BIN3: variants seen among roughly 807,000 people sequenced by gnomAD.
BIN3 encodes bridging integrator 3.
Under a neutral mutation model 38.2 loss-of-function variants are expected in BIN3, and 41 were observed. The observed-to-expected ratio is 1.07, with a 90% CI of 0.84 to 1.39. BIN3 has a LOEUF of 1.39. Ranked by LOEUF, BIN3 falls within the 40% of genes most tolerant of loss-of-function variation. The pLI is 0.00. For missense variants in BIN3, 361 were observed against 324.3 expected, an observed-to-expected ratio of 1.11 and a Z score of -0.87; for synonymous variants, 145 against 122.6, an observed-to-expected ratio of 1.18 and a Z score of -1.21.
chr8:22,653,933 G>A (rs2117581468), intron 1 of BIN3, among the ~76,000 whole-genome samples: 1 of 150,818 alleles, frequency 6.6e-6, no homozygotes, highest in Non-Finnish European at 1.5e-5. Context: ...CTAGGGTGGG[G>A]TGGGGTGGGG....
chr8:22,629,829 C>T (rs901461215), intron 6 of BIN3, 135 bp downstream of exon 6: 15 of 856,260 alleles, frequency 1.8e-5, no homozygotes, highest in Non-Finnish European at 2.8e-5. Context: ...ACAGAGCTGA[C>T]GTCCCCACTG....
At chr8:22,635,476 T>TC in intron 4 of BIN3, among the ~76,000 whole-genome samples, 1 of 152,164 alleles carries the variant, frequency 6.6e-6, no homozygotes, top group African/African-American at 2.4e-5. Context: ...AGACACGGCT[T>TC]CCCCACTGGA....
chr8:22,621,561 T>C lies in BIN3; in HGVS notation c.623A>G (p.Tyr208Cys), dbSNP rs1313958738. The C allele has an allele frequency of 4.3e-6, 7 of 1,613,560 alleles. No individual in the cohort carries two copies. Among genetic ancestry groups the C allele is most frequent in the Middle Eastern group, 1.6e-4 (1 of 6,078 alleles). Residue 208 changes from tyrosine to cysteine, a missense_variant, in exon 9 of 9, where the codon TAC becomes TGC. Tyr to Cys is a radical substitution (Grantham distance 194). Transcript: ENST00000276416. ...FESLIRAQVV[Y>C]YSEMHKIFGD... ...AAAGATCTTGTGCATTTCCGAGTAG[T>C]ACACAACCTGGGGGAGGCGACAGGG...
intron 1 of BIN3, among the ~76,000 whole-genome samples, chr8:22,652,320 C>T (rs1207424572): frequency 6.6e-6 from 1 of 152,214 alleles, no homozygotes; most frequent in Non-Finnish European, 1.5e-5. Flanking sequence ...CCATGTTTAT[C>T]TACTGGGTAG....
chr8:22,663,259 G>A (rs1378401544), intron 1 of BIN3, among the ~76,000 whole-genome samples: 2 of 151,844 alleles, frequency 1.3e-5, no homozygotes, highest in Non-Finnish European at 2.9e-5. Context: ...ATTTCTAACT[G>A]TGAGTTGTGT....
intron 6 of BIN3, among the ~76,000 whole-genome samples, chr8:22,627,075 C>T (rs1035052905): frequency 2.0e-5 from 3 of 152,216 alleles, no homozygotes; most frequent in African/African-American, 4.8e-5. Context: ...GTGGGAAGAG[C>T]ATGTCTTCAC....
intron 1 of BIN3, among the ~76,000 whole-genome samples, chr8:22,659,980 C>A (rs1803180914): frequency 6.6e-6 from 1 of 152,094 alleles, no homozygotes; most frequent in Non-Finnish European, 1.5e-5. Context: ...TATACTCACC[C>A]CCCAAGAATG....
chr8:22,622,821 C>T (rs1299509118), intron 8 of BIN3: 2 of 152,290 alleles, frequency 1.3e-5, no homozygotes, highest in East Asian at 3.9e-4. Context: ...GAGCAAGTGT[C>T]AGGAGAAGTC....
rs1346065639 is a variant in BIN3 at position 22,669,062 on chromosome 8, C to T, written c.-11G>A. ...CACTCACCAGCTCATGGTCCCGAAC[C>T]TGCGTCTGCCGCCGGGGTCCTCAGC... On this transcript the variant is annotated 5_prime_UTR_variant, in exon 1 of 9. Coordinates refer to ENST00000276416, the MANE Select transcript of BIN3 (RefSeq NM_018688.6). 3 of 1,591,664 alleles carry T rather than the reference C, an allele frequency of 1.9e-6. No individual in the cohort carries two copies. Among genetic ancestry groups the T allele is most frequent in the African/African-American group, 2.7e-5 (2 of 74,446 alleles).
intron 1 of BIN3, among the ~76,000 whole-genome samples, chr8:22,647,893 G>A (rs1040840927): frequency 6.6e-5 from 10 of 152,096 alleles, no homozygotes; most frequent in African/African-American, 1.9e-4. Flanking sequence ...TTGGGAGGCC[G>A]AGGCGGGTGA....
intron 3 of BIN3, 129 bp downstream of exon 3, chr8:22,636,793 T>C (rs1802380795): frequency 6.2e-6 from 7 of 1,131,014 alleles, no homozygotes; most frequent in Non-Finnish European, 7.8e-6. Context: ...TCCAGCAGCC[T>C]GGTGACCTGA....
Position 22,630,303 on chromosome 8 carries a change from C to T in BIN3, c.297+139G>A, listed in dbSNP as rs902654774. The T allele has an allele frequency of 3.9e-6, 5 of 1,268,430 alleles. No individual in the cohort carries two copies. In the East Asian group the frequency reaches 1.2e-4, roughly 29 times the overall value. The allele number at this position is 1,268,430 out of a possible 1,614,324, so 78.6% of individuals were successfully genotyped here. A position where few individuals can be genotyped will look rare whatever the true frequency, so the allele number is the denominator to read the frequency against. On this transcript the variant is annotated intron_variant, in intron 5 of 8. Coordinates refer to ENST00000276416, the MANE Select transcript of BIN3 (RefSeq NM_018688.6). ...TGGAAAGAGCCCTGTGGGCTTGCAG[C>T]ACCTTGCAGCACACGAGGCCAGAGG...
intron 1 of BIN3, among the ~76,000 whole-genome samples, chr8:22,659,618 T>C (rs2117594112): frequency 6.6e-6 from 1 of 152,328 alleles, no homozygotes; most frequent in Admixed American, 6.5e-5. Context: ...ATCCGTTTAT[T>C]TGAAGTGTCC....
chr8:22,666,116 T>G (rs758384980), intron 1 of BIN3, among the ~76,000 whole-genome samples: 41 of 152,052 alleles, frequency 2.7e-4, no homozygotes, highest in Non-Finnish European at 8.8e-5. Context: ...ATAGGGAGAT[T>G]TCTTCCAGTA....
chr8:22,651,988 T>G (rs1321848059), intron 1 of BIN3, among the ~76,000 whole-genome samples: 1 of 76,416 alleles, frequency 1.3e-5, no homozygotes, highest in Admixed American at 1.3e-4. Flanking sequence ...TTCTACCAAG[T>G]TTTTTTTTTT....
Position 22,651,175 on chromosome 8 carries a change from A to G in BIN3, c.9-6372T>C, listed in dbSNP as rs193181850. The stretch of plus-strand genomic sequence containing the variant: ...GCAGTAATACATAAATAACATGCAT[A>G]CTTTTTTTTTAACTTTCCCTAAAAT... On this transcript the variant is annotated intron_variant, in intron 1 of 8. Transcript: ENST00000276416. Among the ~76,000 whole-genome samples the G allele has an allele frequency of 5.3e-5, 8 of 152,312 alleles. No individual in the cohort carries two copies. In the East Asian group the frequency reaches 1.5e-3, roughly 29 times the overall value.
chr8:22,644,846 G>A, intron 1 of BIN3, 43 bp from the exon 2 acceptor site: 2 of 1,555,422 alleles, frequency 1.3e-6, no homozygotes, highest in African/African-American at 1.3e-5. Context: ...GAGAAGTGGG[G>A]AAGGATGCAG....
At chr8:22,640,145 G>C (rs1326501336) in intron 2 of BIN3, among the ~76,000 whole-genome samples, 1 of 152,016 alleles carries the variant, frequency 6.6e-6, no homozygotes, top group Non-Finnish European at 1.5e-5. Context: ...TTATAGGCGT[G>C]AGCCACTGTG....
At position 22,644,909 on chromosome 8, in the gene BIN3, G is replaced by A. The variant is rs767036000; in HGVS notation, c.9-106C>T. 1.0e-4 allele frequency: 103 copies of A among 992,364 alleles called. 2 individuals carry two copies. The highest frequency in any genetic ancestry group is 8.8e-4 in the South Asian group (63 of 71,500). 61.5% of individuals were successfully genotyped at this position (992,364 alleles called of 1,614,324 possible). A position where few individuals can be genotyped will look rare whatever the true frequency, so the allele number is the denominator to read the frequency against. On this transcript the variant is annotated intron_variant, in intron 1 of 8. Coordinates refer to ENST00000276416, the MANE Select transcript of BIN3 (RefSeq NM_018688.6). The stretch of plus-strand genomic sequence containing the variant: ...CTTTCCCCCAGGAGGGCGAGGAAGC[G>A]TGGCCATGGCTTGCTACTTGGACCA...
Sources: allele counts gnomAD v4.1 joint callset (sites outside exome capture counted in the v4.1 genomes callset), GRCh38; gene constraint gnomAD v4.1.1; transcripts MANE v1.5; gene names NCBI Gene and HGNC (gene_info 2026-07-23, HGNC 2026-07-21).